PRDM5: variants seen among roughly 807,000 people sequenced by gnomAD.
The protein encoded by PRDM5 is PR/SET domain 5.
A neutral mutation model predicts 81.2 loss-of-function variants in PRDM5; 56 were observed. That is an observed-to-expected ratio of 0.69 (90% CI 0.56 to 0.86). The LOEUF (loss-of-function observed/expected upper bound fraction) is 0.86. Among genes scored for constraint, PRDM5 ranks in the 40% least tolerant of loss-of-function variants. PRDM5 has a pLI of 0.00. For missense variants in PRDM5, 697 were observed against 770.1 expected (o/e 0.91, Z 1.12); for synonymous variants, 267 against 256.4 (o/e 1.04, Z -0.39).
At chr4:120,699,436 C>A (rs1451619865) in intron 15 of PRDM5, among the ~76,000 whole-genome samples, 3 of 151,776 alleles carry the variant, frequency 2.0e-5, no homozygotes, top group South Asian at 2.1e-4. Flanking sequence ...TAATATAATT[C>A]TTATCTCTGT....
chr4:120,730,756 G>C (rs1427012287), intron 14 of PRDM5, among the ~76,000 whole-genome samples: 1 of 151,740 alleles, frequency 6.6e-6, no homozygotes, highest in Admixed American at 6.6e-5. Context: ...TAATACAGTG[G>C]TGGTGAAGCA....
At chr4:120,848,713 CCT>C (rs769212328) in intron 3 of PRDM5, among the ~76,000 whole-genome samples, 148 of 151,910 alleles carry the variant, frequency 9.7e-4, no homozygotes, top group Middle Eastern at 3.4e-3. Flanking sequence ...GCAAATTTGC[CCT>C]GTCAATAAGC....
At chr4:120,711,202 A>G (rs953620953) in intron 14 of PRDM5, among the ~76,000 whole-genome samples, 4 of 152,216 alleles carry the variant, frequency 2.6e-5, no homozygotes, top group African/African-American at 9.6e-5. Context: ...CAAATTGTTT[A>G]CTTTCTAAGA....
At chr4:120,878,698 A>G (rs1579086986) in intron 2 of PRDM5, among the ~76,000 whole-genome samples, 1 of 152,346 alleles carries the variant, frequency 6.6e-6, no homozygotes, top group East Asian at 1.9e-4. Context: ...AAATAGGAAA[A>G]CAACTCAATT....
chr4:120,727,119 G>T (rs1025479114), intron 14 of PRDM5, among the ~76,000 whole-genome samples: 12 of 152,104 alleles, frequency 7.9e-5, no homozygotes, highest in African/African-American at 2.9e-4. Context: ...TCACTCTGTT[G>T]CCTCTACAAA....
chr4:120,709,299 C>T (rs1736621459), intron 15 of PRDM5, among the ~76,000 whole-genome samples: 1 of 152,092 alleles, frequency 6.6e-6, no homozygotes, highest in Admixed American at 6.6e-5. Context: ...TAATTGAAAT[C>T]ACTGAACTAG....
chr4:120,705,621 G>T (rs1196022571), intron 15 of PRDM5, among the ~76,000 whole-genome samples: 1 of 152,124 alleles, frequency 6.6e-6, no homozygotes, highest in Non-Finnish European at 1.5e-5. Flanking sequence ...GAGGGTGAGG[G>T]CTGCAGGTCA....
chr4:120,724,581 C>T (rs1178991927), intron 14 of PRDM5, among the ~76,000 whole-genome samples: 2 of 152,172 alleles, frequency 1.3e-5, no homozygotes, highest in Non-Finnish European at 2.9e-5. Context: ...CCAAAAATAA[C>T]AAGCATGCTT....
At chr4:120,710,462 T>G in intron 14 of PRDM5, 49 bp from the exon 15 acceptor site, 3 of 1,404,612 alleles carry the variant, frequency 2.1e-6, no homozygotes, top group Non-Finnish European at 3.0e-6. Flanking sequence ...AATGAATGAA[T>G]GCAGAGTCCT....
intron 13 of PRDM5, among the ~76,000 whole-genome samples, chr4:120,758,346 T>C (rs1471186234): frequency 6.6e-6 from 1 of 152,222 alleles, no homozygotes; most frequent in East Asian, 1.9e-4. Flanking sequence ...ATGAATGGAA[T>C]TGTGCCCTCC....
In PRDM5 at chr4:120,695,130, T is replaced by C. The variant is rs1457119801; in HGVS notation, c.1874A>G (p.His625Arg). 2.5e-6 allele frequency: 4 copies of C among 1,613,270 alleles called. No homozygotes were observed. The highest frequency in any genetic ancestry group is 3.4e-6 in the Non-Finnish European group (4 of 1,179,338). The change falls in exon 16 of 16, where the codon CAT becomes CGT. Residue 625 changes from histidine (H) to arginine (R), a missense_variant. Transcript: ENST00000264808. ...DYLKVHMDNI[H>R]GVADS is the part of the protein sequence containing the mutation. The stretch of plus-strand genomic sequence containing the variant: ...CCCCTATTAGCTGTCAGCTACACCA[T>C]GGATATTGTCCATGTGCACTTTGAG...
At chr4:120,746,677 G>T (rs1743116759) in intron 14 of PRDM5, among the ~76,000 whole-genome samples, 2 of 147,752 alleles carry the variant, frequency 1.4e-5, no homozygotes, top group African/African-American at 5.1e-5. Flanking sequence ...AAAAACACAT[G>T]AAAAAATGCT....
chr4:120,865,102 G>C (rs2597552), intron 2 of PRDM5, among the ~76,000 whole-genome samples: 65,396 of 152,090 alleles, frequency 0.43, 14,308 homozygotes, highest in Non-Finnish European at 0.47. Context: ...CCCTTGATGT[G>C]ATTTTCTTAC....
chr4:120,689,390 A>T (rs1733953397), downstream of PRDM5, among the ~76,000 whole-genome samples: 1 of 152,096 alleles, frequency 6.6e-6, no homozygotes. Context: ...ATACAGTTGT[A>T]CTTGACCCTG....
At position 120,816,955 on chromosome 4, in the gene PRDM5, A is replaced by C. The variant is rs375165828; in HGVS notation, c.651-31T>G. On this transcript the variant is annotated intron_variant, in intron 5 of 15. Transcript: ENST00000264808. ...GGGAAATAGGAAAAAGAGAAAGAAA[A>C]GAAAACAAAAACTGGAACTCTAAGA... The C allele has an allele frequency of 1.6e-4, 255 of 1,556,670 alleles. 1 individual carries two copies. The African/African-American group carries it at 3.1e-3, about 19-fold the overall frequency.
chr4:120,809,789 G>A (rs899293752), intron 8 of PRDM5, among the ~76,000 whole-genome samples: 5 of 152,148 alleles, frequency 3.3e-5, no homozygotes, highest in Admixed American at 6.5e-5. Context: ...CTATGGATTC[G>A]GAAAGGCTGA....
intron 14 of PRDM5, among the ~76,000 whole-genome samples, chr4:120,749,069 T>C (rs1219926957): frequency 6.6e-6 from 1 of 152,068 alleles, no homozygotes; most frequent in Non-Finnish European, 1.5e-5. Context: ...TCATAGGATG[T>C]GGAAAGCCAC....
At chr4:120,715,014 T>G (rs764136237) in intron 14 of PRDM5, among the ~76,000 whole-genome samples, 1 of 152,172 alleles carries the variant, frequency 6.6e-6, no homozygotes, top group Non-Finnish European at 1.5e-5. Context: ...GCAGATTATG[T>G]CTAGTCCCCA....
Position 120,694,820 on chromosome 4 carries a change from G to T in PRDM5, c.*291C>A. ...TATATTATAAACTTCATTACAGAGGGATGGCCAAGAAAGAGAGCCATGACT... is the reference window on the plus strand; with the variant it reads ...TATATTATAAACTTCATTACAGAGGTATGGCCAAGAAAGAGAGCCATGACT... On this transcript the variant is annotated 3_prime_UTR_variant, in exon 16 of 16. Coordinates refer to ENST00000264808, the MANE Select transcript of PRDM5 (RefSeq NM_018699.4). The T allele has an allele frequency of 2.5e-6, 1 of 393,846 alleles. No individual in the cohort carries two copies. Among genetic ancestry groups the T allele is most frequent in the Non-Finnish European group, 4.7e-6 (1 of 210,632 alleles). 24.4% of individuals were successfully genotyped at this position (393,846 alleles called of 1,614,324 possible).
Sources: gnomAD v4.1 joint callset for allele counts (sites outside exome capture counted in the v4.1 genomes callset) on GRCh38, gnomAD v4.1.1 for gene constraint, MANE v1.5 for transcripts, NCBI Gene and HGNC (gene_info 2026-07-23, HGNC 2026-07-21) for gene names.